SLC35F3: variants seen among roughly 807,000 people sequenced by gnomAD.
The protein encoded by SLC35F3 is putative thiamine transporter SLC35F3.
A neutral mutation model predicts 49.9 loss-of-function variants in SLC35F3; 25 were observed. The ratio of observed to expected loss-of-function variants is 0.50; its 90% CI spans 0.37 to 0.70. The LOEUF is 0.70. SLC35F3 is among the 30% of genes least tolerant of loss of function. The probability of loss-of-function intolerance (pLI) is 0.00; values close to 1 mark genes in which losing one functional copy is unlikely to be tolerated. For synonymous variants in SLC35F3, 275 were observed against 265.4 expected, an observed-to-expected ratio of 1.04 and a Z score of -0.35; for missense variants, 525 against 639.8, an observed-to-expected ratio of 0.82 and a Z score of 1.94.
chr1:234,088,973 G>A (rs983742551), intron 2 of SLC35F3, among the ~76,000 whole-genome samples: 10 of 152,092 alleles, frequency 6.6e-5, no homozygotes, highest in African/African-American at 2.4e-4. Context: ...TGTTGCCCAG[G>A]CTGGTCTCCA....
At chr1:234,141,020 T>A (rs1476071875) in intron 2 of SLC35F3, among the ~76,000 whole-genome samples, 1 of 152,188 alleles carries the variant, frequency 6.6e-6, no homozygotes, top group Non-Finnish European at 1.5e-5. Context: ...CATTAGGCAT[T>A]TTCCACAGGG....
intron 2 of SLC35F3, among the ~76,000 whole-genome samples, chr1:234,145,231 C>T (rs1161744287): frequency 6.6e-6 from 1 of 152,162 alleles, no homozygotes; most frequent in Non-Finnish European, 1.5e-5. Context: ...TCTTCTAGTA[C>T]TTTCAGGAAC....
intron 1 of SLC35F3, among the ~76,000 whole-genome samples, 175 bp from the exon 2 acceptor site, chr1:233,905,354 G>A (rs1266711931): frequency 6.6e-6 from 1 of 152,188 alleles, no homozygotes; most frequent in African/African-American, 2.4e-5. Flanking sequence ...GCTGCCCGGG[G>A]AAGTGGGTGA....
At chr1:234,243,216 G>A (rs1446934308) in intron 3 of SLC35F3, among the ~76,000 whole-genome samples, 2 of 152,066 alleles carry the variant, frequency 1.3e-5, no homozygotes, top group South Asian at 4.1e-4. Flanking sequence ...TTAGCTGGGC[G>A]TGGTGGTGCA....
Position 233,994,130 on chromosome 1 carries a change from C to T in SLC35F3, c.283+88372C>T, listed in dbSNP as rs75125856. Reference sequence around the variant, plus strand: ...GTTACTTTCTGCAGCTTTGTCTTGCCGTGTTATTGGCATAGGTCATGCAGA... The same window carrying T: ...GTTACTTTCTGCAGCTTTGTCTTGCTGTGTTATTGGCATAGGTCATGCAGA... On this transcript the variant is annotated intron_variant, in intron 2 of 7. Transcript: ENST00000366618. Among the ~76,000 whole-genome samples the T allele has an allele frequency of 4.1e-4, 63 of 152,092 alleles. No individual in the cohort carries two copies. The East Asian group carries it at 0.01, about 25-fold the overall frequency.
Position 233,930,386 on chromosome 1 carries a change from T to G in SLC35F3, c.283+24628T>G, listed in dbSNP as rs74327470. Among the ~76,000 whole-genome samples the G allele has an allele frequency of 8.1e-3, 1,241 of 152,270 alleles. 12 individuals carry two copies. The highest frequency in any genetic ancestry group is 0.028 in the African/African-American group (1,156 of 41,566). Reference sequence around the variant, plus strand: ...TCAAAAATCTTTTGATTTTCTTTCTTACTGCAAAGAGGTATTATAATTTCC... The same window carrying G: ...TCAAAAATCTTTTGATTTTCTTTCTGACTGCAAAGAGGTATTATAATTTCC... On this transcript the variant is annotated intron_variant, in intron 2 of 7. Coordinates refer to ENST00000366618, the MANE Select transcript of SLC35F3 (RefSeq NM_173508.4).
chr1:233,909,649 T>G (rs181825145), intron 2 of SLC35F3, among the ~76,000 whole-genome samples: 30 of 152,350 alleles, frequency 2.0e-4, no homozygotes, highest in South Asian at 4.1e-4. Context: ...TTTCTTGATC[T>G]CAGCACTATT....
intron 2 of SLC35F3, among the ~76,000 whole-genome samples, chr1:234,076,379 C>T (rs1664791924): frequency 6.6e-6 from 1 of 151,876 alleles, no homozygotes; most frequent in Non-Finnish European, 1.5e-5. Context: ...GAGAGGATCA[C>T]TTGAGCCCAA....
intron 2 of SLC35F3, among the ~76,000 whole-genome samples, chr1:234,206,424 G>A (rs1044007403): frequency 3.4e-5 from 5 of 146,632 alleles, no homozygotes; most frequent in African/African-American, 1.3e-4. Flanking sequence ...ACTGTGCGGC[G>A]CTCCTTTGAG....
chr1:234,139,229 C>G (rs1005666723), intron 2 of SLC35F3, among the ~76,000 whole-genome samples: 1 of 152,124 alleles, frequency 6.6e-6, no homozygotes, highest in Non-Finnish European at 1.5e-5. Context: ...AACTCTATTA[C>G]TTTATTATTA....
chr1:234,189,859 C>T (rs1666706129), intron 2 of SLC35F3, among the ~76,000 whole-genome samples: 1 of 152,194 alleles, frequency 6.6e-6, no homozygotes, highest in Admixed American at 6.5e-5. Context: ...ATCAGATTAA[C>T]AGCAGATTTC....
At position 234,124,047 on chromosome 1, in the gene SLC35F3, G is replaced by A. The variant is rs1665612974; in HGVS notation, c.284-107370G>A. Among the ~76,000 whole-genome samples the A allele has an allele frequency of 2.0e-5, 3 of 152,200 alleles. No individual in the cohort carries two copies. The South Asian group carries it at 6.2e-4, about 31-fold the overall frequency. On this transcript the variant is annotated intron_variant, in intron 2 of 7. Coordinates refer to ENST00000366618, the MANE Select transcript of SLC35F3 (RefSeq NM_173508.4). ...CATCTGTGAGTTTGATGATGTCACA[G>A]GAAACAGAGCCAGAAGCAAAGATAT...
chr1:233,938,934 C>T (rs376304163), intron 2 of SLC35F3, among the ~76,000 whole-genome samples: 3 of 152,274 alleles, frequency 2.0e-5, no homozygotes, highest in South Asian at 2.1e-4. Flanking sequence ...AAAAAGCATC[C>T]GTTCGGCTTA....
intron 2 of SLC35F3, among the ~76,000 whole-genome samples, chr1:234,002,176 A>G (rs940531449): frequency 6.6e-6 from 1 of 152,188 alleles, no homozygotes; most frequent in Admixed American, 6.5e-5. Flanking sequence ...TAGTACAGAG[A>G]GTTCCTATAT....
In SLC35F3 at chr1:234,190,133, G is replaced by A. The variant is rs150442369; in HGVS notation, c.284-41284G>A. On this transcript the variant is annotated intron_variant, in intron 2 of 7. Transcript: ENST00000366618. Reference sequence around the variant, plus strand: ...AACCTCTTTAAAGCATGGGTCTCACGGGATCTATACAACAAAAACACACAC... The same window carrying A: ...AACCTCTTTAAAGCATGGGTCTCACAGGATCTATACAACAAAAACACACAC... Among the ~76,000 whole-genome samples the A allele has an allele frequency of 6.5e-3, 986 of 152,140 alleles. 8 individuals carry two copies. Among genetic ancestry groups the A allele is most frequent in the South Asian group, 0.04 (192 of 4,824 alleles).
At chr1:234,262,967 A>G (rs1033405945) in intron 3 of SLC35F3, among the ~76,000 whole-genome samples, 23 of 152,238 alleles carry the variant, frequency 1.5e-4, no homozygotes, top group African/African-American at 5.5e-4. Flanking sequence ...AGGTTGCCAC[A>G]GTTCTGGGCT....
Position 234,178,897 on chromosome 1 carries a change from A to G in SLC35F3, c.284-52520A>G, listed in dbSNP as rs558850791. Among the ~76,000 whole-genome samples, 10 of 152,302 alleles carry G rather than the reference A, an allele frequency of 6.6e-5. No individual in the cohort carries two copies. In the East Asian group the frequency reaches 1.9e-3, roughly 29 times the overall value. ...ATCATTACAGTATCAGAGCCATTTC[A>G]TTGCCCTAAAAATCCTTCCCCCAAC... On this transcript the variant is annotated intron_variant, in intron 2 of 7. Transcript: ENST00000366618.
intron 3 of SLC35F3, among the ~76,000 whole-genome samples, chr1:234,297,689 A>G (rs1668625764): frequency 6.6e-6 from 1 of 151,490 alleles, no homozygotes; most frequent in South Asian, 2.1e-4. Flanking sequence ...GGCTGCAGTG[A>G]GCCATGATCA....
intron 2 of SLC35F3, among the ~76,000 whole-genome samples, chr1:233,928,722 A>G (rs1422152199): frequency 6.6e-6 from 1 of 152,182 alleles, no homozygotes; most frequent in Non-Finnish European, 1.5e-5. Flanking sequence ...GAATCTTATG[A>G]AAGGGGTTCA....
Sources: gnomAD v4.1 joint callset for allele counts (sites outside exome capture counted in the v4.1 genomes callset) on GRCh38, gnomAD v4.1.1 for gene constraint, MANE v1.5 for transcripts, NCBI Gene and HGNC (gene_info 2026-07-23, HGNC 2026-07-21) for gene names.